SPAST: variants seen among roughly 807,000 people sequenced by gnomAD.
The protein encoded by SPAST is spastic paraplegia 4 (autosomal dominant; spastin).
SPAST carries 30 observed loss-of-function variants against 76.6 expected under a neutral mutation model. That is an observed-to-expected ratio of 0.39 (90% CI 0.29 to 0.53). SPAST has a LOEUF of 0.53. Among genes scored for constraint, SPAST ranks in the 20% least tolerant of loss-of-function variants. The pLI, the probability that SPAST is intolerant of heterozygous loss-of-function variation, is 0.68. For synonymous variants in SPAST, 305 were observed against 281.0 expected (o/e 1.09, Z -0.86); for missense variants, 717 against 770.5 (o/e 0.93, Z 0.82).
chr2:32,099,921 C>T (rs1466748611), intron 4 of SPAST, among the ~76,000 whole-genome samples: 1 of 151,688 alleles, frequency 6.6e-6, no homozygotes, highest in African/African-American at 2.4e-5. Context: ...TGTTCTTGGA[C>T]ACCTAGGTTG....
intron 1 of SPAST, chr2:32,065,967 T>C (rs1676493364): frequency 6.6e-6 from 1 of 150,568 alleles, no homozygotes; most frequent in Non-Finnish European, 1.5e-5. Flanking sequence ...TGTTAACTGC[T>C]CCATTCTTTT....
intron 4 of SPAST, 89 bp from the exon 5 acceptor site, chr2:32,114,549 T>C (rs1210073109): frequency 3.1e-6 from 3 of 977,664 alleles, no homozygotes; most frequent in African/African-American, 1.6e-5. Flanking sequence ...TAAAAAAATA[T>C]ATTATTACCT....
chr2:32,122,635 T>C (rs1679057686), intron 7 of SPAST, among the ~76,000 whole-genome samples: 1 of 152,038 alleles, frequency 6.6e-6, no homozygotes, highest in Non-Finnish European at 1.5e-5. Context: ...AATTACTGTT[T>C]TTATAGGTCA....
intron 14 of SPAST, among the ~76,000 whole-genome samples, chr2:32,143,616 T>C (rs1679793653): frequency 1.3e-5 from 2 of 152,240 alleles, no homozygotes; most frequent in Admixed American, 1.3e-4. Flanking sequence ...TCACTGGCTA[T>C]GTCCTTTGCA....
chr2:32,125,631 C>T (rs915554380), intron 7 of SPAST, among the ~76,000 whole-genome samples: 5 of 152,074 alleles, frequency 3.3e-5, no homozygotes, highest in African/African-American at 1.2e-4. Flanking sequence ...GTCTGGAGCT[C>T]TACCCTTGAT....
At chr2:32,154,303 AATCC>A in intron 16 of SPAST, 67 bp from the exon 17 acceptor site, 1 of 1,306,990 alleles carries the variant, frequency 7.7e-7, no homozygotes, top group South Asian at 1.2e-5. Flanking sequence ...TCATTACTTT[AATCC>A]ATCATTTCGT....
chr2:32,078,898 T>G (rs1333109054), intron 1 of SPAST, among the ~76,000 whole-genome samples: 4 of 152,132 alleles, frequency 2.6e-5, no homozygotes, highest in Non-Finnish European at 5.9e-5. Context: ...GTCACCCAGG[T>G]TGGAGTGAAG....
chr2:32,122,519 G>A (rs1192505707), intron 7 of SPAST, among the ~76,000 whole-genome samples: 1 of 151,952 alleles, frequency 6.6e-6, no homozygotes, highest in Non-Finnish European at 1.5e-5. Flanking sequence ...ACGGGGTTTT[G>A]CCATGTTGAC....
At chr2:32,136,005 G>A (rs1390555411) in intron 9 of SPAST, among the ~76,000 whole-genome samples, 1 of 150,894 alleles carries the variant, frequency 6.6e-6, no homozygotes, top group Admixed American at 6.6e-5. Flanking sequence ...TTGAACCCAG[G>A]AGGCAAAAGT....
intron 4 of SPAST, among the ~76,000 whole-genome samples, chr2:32,113,332 G>T (rs1001211392): frequency 1.3e-5 from 2 of 151,364 alleles, no homozygotes; most frequent in Admixed American, 6.6e-5. Flanking sequence ...TGATCTGCCC[G>T]CCTCAGCCTC....
rs1680288823 is a variant in SPAST, at chr2:32,157,425, A to C, written c.*2929A>C. 6.6e-6 allele frequency: 1 copy of C among 152,576 alleles called. No homozygotes were observed. The highest frequency in any genetic ancestry group is 1.5e-5 in the Non-Finnish European group (1 of 68,024). The allele number at this position is 152,576 out of a possible 1,614,324, so 9.5% of individuals were successfully genotyped here. On this transcript the variant is annotated 3_prime_UTR_variant, in exon 17 of 17. Coordinates refer to ENST00000315285, the MANE Select transcript of SPAST (RefSeq NM_014946.4). ...CAGCCGTCTTTGTTTATAGTGTAGAATTCTTTATATTTTGTACAAAAACTA... is the reference window on the plus strand; with the variant it reads ...CAGCCGTCTTTGTTTATAGTGTAGACTTCTTTATATTTTGTACAAAAACTA...
chr2:32,143,084 G>A (rs1228103485), intron 13 of SPAST, among the ~76,000 whole-genome samples: 2 of 151,880 alleles, frequency 1.3e-5, no homozygotes, highest in African/African-American at 4.8e-5. Context: ...GGGCAACATA[G>A]GGAGACCCTG....
Position 32,063,708 on chromosome 2 carries a change from C to G in SPAST, c.-124C>G, listed in dbSNP as rs1159566412. 1.6e-5 allele frequency: 21 copies of G among 1,328,292 alleles called. No homozygotes were observed. The highest frequency in any genetic ancestry group is 2.0e-5 in the Non-Finnish European group (20 of 983,866). 82.3% of individuals were successfully genotyped at this position (1,328,292 alleles called of 1,614,324 possible). A position where few individuals can be genotyped will look rare whatever the true frequency, so the allele number is the denominator to read the frequency against. On this transcript the variant is annotated 5_prime_UTR_variant, in exon 1 of 17. Coordinates refer to ENST00000315285, the MANE Select transcript of SPAST (RefSeq NM_014946.4). The stretch of plus-strand genomic sequence containing the variant: ...GCGGGCAGCGTGCGGCAGTGCGGAG[C>G]TCCTGAGACCGGCGGGCACACGGGG...
intron 7 of SPAST, among the ~76,000 whole-genome samples, chr2:32,117,967 A>G (rs1678898700): frequency 6.6e-6 from 1 of 152,198 alleles, no homozygotes; most frequent in Non-Finnish European, 1.5e-5. Flanking sequence ...GCAATCTTGC[A>G]GTTGATAATA....
intron 16 of SPAST, 63 bp downstream of exon 16, chr2:32,147,321 C>T: frequency 5.0e-6 from 3 of 598,794 alleles, no homozygotes; most frequent in Admixed American, 2.1e-5. Flanking sequence ...ATAAGACATA[C>T]ATATATGAAT....
At chr2:32,115,372 T>A (rs1203911078) in intron 5 of SPAST, among the ~76,000 whole-genome samples, 2 of 152,212 alleles carry the variant, frequency 1.3e-5, no homozygotes, top group South Asian at 2.1e-4. Flanking sequence ...TCATTTTAAA[T>A]TTATTTTTAA....
chr2:32,137,326 G>A (rs1056957155), intron 12 of SPAST, 138 bp downstream of exon 12: 15 of 753,412 alleles, frequency 2.0e-5, no homozygotes, highest in Non-Finnish European at 3.6e-5. Flanking sequence ...CTAGCCTCTT[G>A]TTACCAACTA....
chr2:32,114,812 C>T lies in SPAST; in HGVS notation c.857C>T (p.Pro286Leu), dbSNP rs1313415306. The T allele has an allele frequency of 6.2e-7, 1 of 1,613,778 alleles. No homozygotes were observed. Among genetic ancestry groups the T allele is most frequent in the Non-Finnish European group, 8.5e-7 (1 of 1,179,780 alleles). Residue 286 changes from proline (P) to leucine (L), a missense_variant, in exon 5 of 17, where the codon CCT (proline) becomes CTT (leucine). Coordinates refer to ENST00000315285, the MANE Select transcript of SPAST (RefSeq NM_014946.4). ...SGVKQGSGPA[P>L]TTHKGTPKTN... The stretch of plus-strand genomic sequence containing the variant: ...GTGAAACAGGGATCTGGTCCTGCTC[C>T]TACCACTCATAAGGTATTCTGGGAC...
chr2:32,137,016 T>TATA, intron 11 of SPAST, 48 bp downstream of exon 11: 1 of 1,158,964 alleles, frequency 8.6e-7, no homozygotes, highest in Non-Finnish European at 1.2e-6. Flanking sequence ...TTTAGTATAT[T>TATA]TTCCTATTAA....
Sources: allele counts gnomAD v4.1 joint callset (sites outside exome capture counted in the v4.1 genomes callset), GRCh38; gene constraint gnomAD v4.1.1; transcripts MANE v1.5; gene names NCBI Gene and HGNC (gene_info 2026-07-23, HGNC 2026-07-21).